Variants in PPIP5K2 observed in about 807,000 individuals in gnomAD.
PPIP5K2 encodes the protein diphosphoinositol pentakisphosphate kinase 2, also known as inositol hexakisphosphate and diphosphoinositol-pentakisphosphate kinase 2.
PPIP5K2 carries 105 observed loss-of-function variants against 154.6 expected under a neutral mutation model. That is an observed-to-expected ratio of 0.68 (90% CI 0.58 to 0.80). The LOEUF (loss-of-function observed/expected upper bound fraction) is 0.80. Among genes scored for constraint, PPIP5K2 ranks in the 30% least tolerant of loss-of-function variants. PPIP5K2 has a pLI of 0.00. For missense variants in PPIP5K2, 992 were observed against 1,504.6 expected, an observed-to-expected ratio of 0.66 and a Z score of 5.64; for synonymous variants, 480 against 490.3, an observed-to-expected ratio of 0.98 and a Z score of 0.28.
In PPIP5K2 at chr5:103,181,974, G is replaced by T. The variant is rs181529869; in HGVS notation, c.2923-1260G>T. 5.3e-5 allele frequency among the ~76,000 whole-genome samples: 8 copies of T among 152,172 alleles called. No individual in the cohort carries two copies. The East Asian group carries it at 1.5e-3, about 29-fold the overall frequency. ...CAAAAGAAAAGGGTTATTAAAGAGGGTATTTAACAATTATAGAACTTGGAA... is the reference window on the plus strand; with the variant it reads ...CAAAAGAAAAGGGTTATTAAAGAGGTTATTTAACAATTATAGAACTTGGAA... On this transcript the variant is annotated intron_variant, in intron 24 of 30. Coordinates refer to ENST00000358359, the MANE Select transcript of PPIP5K2 (RefSeq NM_001276277.3).
At chr5:103,159,022 G>T in intron 16 of PPIP5K2, 124 bp from the exon 17 acceptor site, 1 of 637,694 alleles carries the variant, frequency 1.6e-6, no homozygotes, top group Non-Finnish European at 2.5e-6. Flanking sequence ...ATAATGAACT[G>T]TAGTATTAAT....
At chr5:103,183,597 A>G (rs1381335978) in intron 25 of PPIP5K2, among the ~76,000 whole-genome samples, 190 bp downstream of exon 25, 1 of 152,134 alleles carries the variant, frequency 6.6e-6, no homozygotes, top group African/African-American at 2.4e-5. Context: ...CTTACATGGC[A>G]TGTGTTTAGT....
chr5:103,168,050 TA>T, intron 18 of PPIP5K2, 21 bp from the exon 19 acceptor site: 1 of 1,497,894 alleles, frequency 6.7e-7, no homozygotes, highest in Non-Finnish European at 9.1e-7. Context: ...TTGCATAAAC[TA>T]AAAATGTTAT....
At position 103,162,360 on chromosome 5, in the gene PPIP5K2, T is replaced by TG. The variant is rs1464969493; in HGVS notation, c.1920+3032_1920+3033insG. 1.9e-4 allele frequency among the ~76,000 whole-genome samples: 28 copies of TG among 151,192 alleles called. No individual in the cohort carries two copies. In the East Asian group the frequency reaches 3.3e-3, roughly 18 times the overall value. The stretch of plus-strand genomic sequence containing the variant: ...GTCATGATGTGTTTTCTTTTTTTTT[T>TG]TTTTGTTTTTTTGTTTTGTAGAGAC... On this transcript the variant is annotated intron_variant, in intron 17 of 30. Transcript: ENST00000358359.
At chr5:103,167,109 T>A in intron 17 of PPIP5K2, 70 bp from the exon 18 acceptor site, 1 of 1,169,420 alleles carries the variant, frequency 8.6e-7, no homozygotes, top group Non-Finnish European at 1.1e-6. Flanking sequence ...GAAAATTTTG[T>A]ATATATATAT....
chr5:103,201,881 T>G lies in PPIP5K2; in HGVS notation c.*247T>G. ...TAATATGATGTTTACCATGTGCACA[T>G]AGTAATGAAAAGGAACATAAAAGCC... is the stretch of plus-strand genomic sequence containing the variant. On this transcript the variant is annotated 3_prime_UTR_variant, in exon 31 of 31. Coordinates refer to ENST00000358359, the MANE Select transcript of PPIP5K2 (RefSeq NM_001276277.3). The G allele has an allele frequency of 1.3e-5, 5 of 373,714 alleles. No individual in the cohort carries two copies. Among genetic ancestry groups the G allele is most frequent in the East Asian group, 6.0e-5 (1 of 16,670 alleles). 23.1% of individuals were successfully genotyped at this position (373,714 alleles called of 1,614,324 possible).
chr5:103,158,170 C>T lies in PPIP5K2; in HGVS notation c.1490-18C>T. The T allele has an allele frequency of 1.2e-6, 2 of 1,606,444 alleles. No homozygotes were observed. Among genetic ancestry groups the T allele is most frequent in the East Asian group, 2.2e-5 (1 of 44,834 alleles). On this transcript the variant is annotated intron_variant, in intron 14 of 30. Coordinates refer to ENST00000358359, the MANE Select transcript of PPIP5K2 (RefSeq NM_001276277.3). ...AAATAAACTTAACATTTGTTTTATT[C>T]ATTCATATGTGTCATAGACAGCCGA...
Position 103,129,621 on chromosome 5 carries a change from C to A in PPIP5K2, c.32C>A (p.Pro11Gln), listed in dbSNP as rs1554201970. MSEAPRFFVG[P>Q]EDTEINPGNY... ...GAAGCCCCCAGATTCTTCGTTGGACCAGAAGATACAGAAATAAATCCTGGA... is the reference window on the plus strand; with the variant it reads ...GAAGCCCCCAGATTCTTCGTTGGACAAGAAGATACAGAAATAAATCCTGGA... Residue 11 changes from proline (P) to glutamine (Q), a missense_variant, in exon 2 of 31, where the codon CCA (proline) becomes CAA (glutamine). Around this residue, in one of 9 missense-constraint regions of PPIP5K2, gnomAD observed 153 missense variants for 200.4 expected, o/e 0.76. Coordinates refer to ENST00000358359, the MANE Select transcript of PPIP5K2 (RefSeq NM_001276277.3). The A allele has an allele frequency of 3.7e-6, 6 of 1,606,776 alleles. No individual in the cohort carries two copies. The highest frequency in any genetic ancestry group is 5.1e-6 in the Non-Finnish European group (6 of 1,177,852).
intron 30 of PPIP5K2, among the ~76,000 whole-genome samples, chr5:103,196,389 CTAA>C (rs1403805258): frequency 6.6e-6 from 1 of 152,134 alleles, no homozygotes; most frequent in African/African-American, 2.4e-5. Flanking sequence ...CACATTCCAA[CTAA>C]TAAGTATGTG....
rs1554212092 is a variant in PPIP5K2, at chr5:103,153,847, G to A, written c.1131-1G>A. 2 of 1,586,760 alleles carry A rather than the reference G, an allele frequency of 1.3e-6. No homozygotes were observed. The highest frequency in any genetic ancestry group is 1.7e-6 in the Non-Finnish European group (2 of 1,167,246). On this transcript the variant is annotated splice_acceptor_variant, in intron 10 of 30. Coordinates refer to ENST00000358359, the MANE Select transcript of PPIP5K2 (RefSeq NM_001276277.3). LOFTEE classifies it high-confidence loss of function. ...AGAACATATATATTTTTTCATTTTA[G>A]GATGGAACTTAGATGTGTCATAGCT...
At position 103,167,616 on chromosome 5, in the gene PPIP5K2, G is replaced by A. The variant is rs568855685; in HGVS notation, c.2062+296G>A. ...AAGAAGGAGCAAGCAACAGGAAAGTGATCTAGGCTCTGGCCCCAAAGCTTA... is the reference window on the plus strand; with the variant it reads ...AAGAAGGAGCAAGCAACAGGAAAGTAATCTAGGCTCTGGCCCCAAAGCTTA... On this transcript the variant is annotated intron_variant, in intron 18 of 30. Transcript: ENST00000358359. Among the ~76,000 whole-genome samples, 3 of 152,068 alleles carry A rather than the reference G, an allele frequency of 2.0e-5. No individual in the cohort carries two copies. In the East Asian group the frequency reaches 5.8e-4, roughly 29 times the overall value.
chr5:103,161,362 A>G (rs1350776884), intron 17 of PPIP5K2, among the ~76,000 whole-genome samples: 1 of 152,122 alleles, frequency 6.6e-6, no homozygotes, highest in Non-Finnish European at 1.5e-5. Context: ...TCTATCATTG[A>G]TGGACATTTG....
chr5:103,207,298 G>A lies in PPIP5K2; in HGVS notation c.*5664G>A, dbSNP rs1379495002. On this transcript the variant is annotated 3_prime_UTR_variant, in exon 31 of 31. Coordinates refer to ENST00000358359, the MANE Select transcript of PPIP5K2 (RefSeq NM_001276277.3). ...GCAGCATCGCCTCCAAACTGTGGCA[G>A]TCAAAAATGTCTCCAGACATTAGTA... 1 of 152,196 alleles carries A rather than the reference G, an allele frequency of 6.6e-6. No homozygotes were observed. Among genetic ancestry groups the A allele is most frequent in the Non-Finnish European group, 1.5e-5 (1 of 68,048 alleles). 9.4% of individuals were successfully genotyped at this position (152,196 alleles called of 1,614,324 possible). A position where few individuals can be genotyped will look rare whatever the true frequency, so the allele number is the denominator to read the frequency against.
rs1554225078 is a variant in PPIP5K2, at chr5:103,186,415, C to T, written c.3265C>T (p.Leu1089=). 2 of 1,613,818 alleles carry T rather than the reference C, an allele frequency of 1.2e-6. No individual in the cohort carries two copies. Among genetic ancestry groups the T allele is most frequent in the Non-Finnish European group, 1.7e-6 (2 of 1,179,860 alleles). The stretch of plus-strand genomic sequence containing the variant: ...TTATGCTCGTACTCATCGTAAAAAG[C>T]TGACCTCTTCTGGCTGCATAGATGG... The part of the protein sequence containing the change: ...QDYARTHRKK[L]TSSGCIDDAT... Residue 1089 remains leucine, a synonymous_variant, in exon 27 of 31, where the codon CTG becomes TTG. Coordinates refer to ENST00000358359, the MANE Select transcript of PPIP5K2 (RefSeq NM_001276277.3).
At chr5:103,139,425 G>C (rs1554205618) in intron 5 of PPIP5K2, among the ~76,000 whole-genome samples, 1 of 152,092 alleles carries the variant, frequency 6.6e-6, no homozygotes, top group Non-Finnish European at 1.5e-5. Context: ...GGTGCCTCTA[G>C]GAGTCAGCAA....
At position 103,152,849 on chromosome 5, in the gene PPIP5K2, G is replaced by A. The variant is rs556143387; in HGVS notation, c.1130+100G>A. The stretch of plus-strand genomic sequence containing the variant: ...CTGAATGATGATTAGACACTTTAGT[G>A]TGTATGATTTCATATGATTCAGCTT... On this transcript the variant is annotated intron_variant, in intron 10 of 30. Transcript: ENST00000358359. 7.1e-5 allele frequency: 52 copies of A among 729,356 alleles called. No individual in the cohort carries two copies. The African/African-American group carries it at 8.9e-4, about 13-fold the overall frequency. 45.2% of individuals were successfully genotyped at this position (729,356 alleles called of 1,614,324 possible). A position where few individuals can be genotyped will look rare whatever the true frequency, so the allele number is the denominator to read the frequency against.
intron 24 of PPIP5K2, 92 bp downstream of exon 24, chr5:103,180,280 T>C: frequency 9.1e-7 from 1 of 1,097,194 alleles, no homozygotes; most frequent in Non-Finnish European, 1.2e-6. Flanking sequence ...ATTGTGGAGC[T>C]TGGGAAACCA....
intron 17 of PPIP5K2, among the ~76,000 whole-genome samples, chr5:103,166,571 G>A (rs1029731760): frequency 7.2e-5 from 11 of 151,884 alleles, no homozygotes; most frequent in Non-Finnish European, 1.6e-4. Context: ...TGGTATCATC[G>A]CTTACAAAAG....
At chr5:103,156,072 C>T in intron 14 of PPIP5K2, 78 bp downstream of exon 14, 2 of 981,868 alleles carry the variant, frequency 2.0e-6, no homozygotes, top group Non-Finnish European at 3.2e-6. Context: ...TTTGGACCAT[C>T]TTTTGCTTAG....
Sources: allele counts gnomAD v4.1 joint callset (sites outside exome capture counted in the v4.1 genomes callset), GRCh38; gene constraint gnomAD v4.1.1; regional missense constraint gnomAD v4.1.1; transcripts MANE v1.5; gene names NCBI Gene and HGNC (gene_info 2026-07-23, HGNC 2026-07-21).